Variants in THSD7B observed in about 807,000 individuals in gnomAD.
THSD7B encodes the protein thrombospondin type-1 domain-containing protein 7B.
THSD7B carries 138 observed loss-of-function variants against 213.6 expected under a neutral mutation model. The observed-to-expected ratio is 0.65, with a 90% CI of 0.56 to 0.74. The LOEUF (loss-of-function observed/expected upper bound fraction) is 0.74, where lower values mean the gene tolerates loss of function less well. Ranked by LOEUF, THSD7B falls within the 30% of genes least tolerant of loss-of-function variation. The pLI is 0.00. For synonymous variants in THSD7B, 742 were observed against 687.0 expected (o/e 1.08, Z -1.25); for missense variants, 1,931 against 1,991.5 (o/e 0.97, Z 0.58).
chr2:136,982,319 CT>C (rs36080141), intron 2 of THSD7B, among the ~76,000 whole-genome samples: 1 of 149,768 alleles, frequency 6.7e-6, no homozygotes, highest in African/African-American at 2.4e-5. Flanking sequence ...GCAAATTGTA[CT>C]TTTTTTTTTT....
chr2:137,417,946 C>T (rs1219018531), intron 14 of THSD7B, among the ~76,000 whole-genome samples: 1 of 152,056 alleles, frequency 6.6e-6, no homozygotes, highest in African/African-American at 2.4e-5. Flanking sequence ...TCCTTTACAC[C>T]TTTATGTTTA....
chr2:137,242,662 C>A (rs1681939180), intron 10 of THSD7B, 90 bp downstream of exon 10: 1 of 867,672 alleles, frequency 1.2e-6, no homozygotes, highest in Non-Finnish European at 1.8e-6. Flanking sequence ...AATGTGAGCA[C>A]CTTTTTTTTT....
At chr2:136,901,546 G>A (rs917262262) in intron 2 of THSD7B, among the ~76,000 whole-genome samples, 11 of 152,204 alleles carry the variant, frequency 7.2e-5, no homozygotes, top group Admixed American at 6.5e-5. Flanking sequence ...TGGGAAATTT[G>A]AGAAGAATTT....
At chr2:137,381,947 C>T (rs374640058) in intron 12 of THSD7B, among the ~76,000 whole-genome samples, 80 of 152,164 alleles carry the variant, frequency 5.3e-4, no homozygotes, top group African/African-American at 1.8e-3. Flanking sequence ...GTGAAATGAG[C>T]GATCCACTGG....
At chr2:137,109,870 A>G (rs1020217302) in intron 4 of THSD7B, among the ~76,000 whole-genome samples, 7 of 152,128 alleles carry the variant, frequency 4.6e-5, no homozygotes, top group African/African-American at 1.7e-4. Flanking sequence ...GAGGTTCCAC[A>G]TAACGTGGCT....
Position 137,089,245 on chromosome 2 carries a change from GGTGTGT to G in THSD7B, c.951-5603_951-5598del, listed in dbSNP as rs70975799. Among the ~76,000 whole-genome samples the G allele has an allele frequency of 2.5e-3, 315 of 126,768 alleles. 2 individuals are homozygous for G. Among genetic ancestry groups the G allele is most frequent in the African/African-American group, 7.5e-3 (225 of 30,042 alleles). 83.2% of individuals were successfully genotyped at this position (126,768 alleles called of 152,430 possible). On this transcript the variant is annotated intron_variant, in intron 3 of 27. Coordinates refer to ENST00000409968, the MANE Select transcript of THSD7B (RefSeq NM_001316349.2). Reference sequence around the variant, plus strand: ...CCATCAATGAGTGGATAAAGAAAGTGGTGTGTGTGTGTGTGTGTGTGTGTGTGTGTA... The same window carrying G: ...CCATCAATGAGTGGATAAAGAAAGTGGTGTGTGTGTGTGTGTGTGTGTGTA...
rs181856273 is a variant in THSD7B, at chr2:136,912,095, C to T, written c.139+29778C>T. 2.5e-3 allele frequency among the ~76,000 whole-genome samples: 373 copies of T among 151,914 alleles called. 3 individuals are homozygous for T. The highest frequency in any genetic ancestry group is 7.4e-3 in the Admixed American group (113 of 15,250). On this transcript the variant is annotated intron_variant, in intron 2 of 27. Coordinates refer to ENST00000409968, the MANE Select transcript of THSD7B (RefSeq NM_001316349.2). ...TGGGAGGCCAAGGTGGGCAGATCACCTAAGGTCAAGAGTTCTAGACCAGCC... is the reference window on the plus strand; with the variant it reads ...TGGGAGGCCAAGGTGGGCAGATCACTTAAGGTCAAGAGTTCTAGACCAGCC...
intron 12 of THSD7B, among the ~76,000 whole-genome samples, chr2:137,401,473 A>G (rs1686359301): frequency 1.3e-5 from 2 of 152,174 alleles, no homozygotes; most frequent in South Asian, 4.1e-4. Context: ...AACGTTCCCA[A>G]CAAGGAAATG....
At chr2:137,461,875 G>A (rs1238783104) in intron 15 of THSD7B, among the ~76,000 whole-genome samples, 1 of 152,072 alleles carries the variant, frequency 6.6e-6, no homozygotes, top group Admixed American at 6.6e-5. Context: ...GTCTCATAAA[G>A]AGTATGAAAG....
chr2:137,062,166 C>CTATGGGATTAT (rs1278738737), intron 3 of THSD7B, among the ~76,000 whole-genome samples: 2 of 151,642 alleles, frequency 1.3e-5, no homozygotes, highest in African/African-American at 4.8e-5. Context: ...CTTTTAATAG[C>CTATGGGATTAT]TATGGGATTA....
rs568339870 is a variant in THSD7B, at chr2:137,515,233, C to CT, written c.3139-47981dup. ...CTCTGAGTTTGTAAACTCTGGTTAA[C>CT]TTTTTTTGCCAGAAGAAACAGCTTC... On this transcript the variant is annotated intron_variant, in intron 15 of 27. Coordinates refer to ENST00000409968, the MANE Select transcript of THSD7B (RefSeq NM_001316349.2). Among the ~76,000 whole-genome samples the CT allele has an allele frequency of 2.2e-3, 342 of 152,220 alleles. 1 individual carries two copies. Among genetic ancestry groups the CT allele is most frequent in the African/African-American group, 7.8e-3 (324 of 41,536 alleles).
In THSD7B at chr2:137,192,736, TAACA is replaced by T. The variant is rs1468688127; in HGVS notation, c.1723+21801_1723+21804del. Among the ~76,000 whole-genome samples the T allele has an allele frequency of 4.6e-5, 7 of 152,194 alleles. 1 individual carries two copies. The South Asian group carries it at 1.4e-3, about 31-fold the overall frequency. ...CTGAAATCTGGATGTATTTTGAATT[TAACA>T]AATCTTGATAATAAATTAAATATAT... On this transcript the variant is annotated intron_variant, in intron 7 of 27. Coordinates refer to ENST00000409968, the MANE Select transcript of THSD7B (RefSeq NM_001316349.2).
intron 1 of THSD7B, among the ~76,000 whole-genome samples, chr2:136,806,396 G>T (rs1034350070): frequency 1.3e-5 from 2 of 152,148 alleles, no homozygotes; most frequent in Non-Finnish European, 2.9e-5. Context: ...AGCTCCTCAG[G>T]CTGTTCTGAG....
intron 15 of THSD7B, among the ~76,000 whole-genome samples, chr2:137,459,333 G>A (rs953675379): frequency 5.9e-5 from 9 of 152,176 alleles, no homozygotes; most frequent in Middle Eastern, 3.4e-3. Context: ...AAAAACATTT[G>A]TTAAAACATG....
chr2:137,561,922 GTGTTTTA>G, intron 15 of THSD7B, among the ~76,000 whole-genome samples: 1 of 151,974 alleles, frequency 6.6e-6, no homozygotes, highest in Admixed American at 6.6e-5. Context: ...TTGTTACTTT[GTGTTTTA>G]TCTTCTTGTG....
intron 10 of THSD7B, among the ~76,000 whole-genome samples, chr2:137,243,405 A>G (rs1025271538): frequency 2.0e-5 from 3 of 152,242 alleles, no homozygotes; most frequent in South Asian, 2.1e-4. Context: ...AAAGACAGAA[A>G]GAATATTACC....
At chr2:137,458,191 A>C (rs915473115) in intron 15 of THSD7B, among the ~76,000 whole-genome samples, 1 of 152,214 alleles carries the variant, frequency 6.6e-6, no homozygotes, top group African/African-American at 2.4e-5. Context: ...TCTCTGGTGA[A>C]GGTTTCCCAG....
intron 12 of THSD7B, among the ~76,000 whole-genome samples, chr2:137,332,376 C>T (rs1393613524): frequency 6.6e-6 from 1 of 152,160 alleles, no homozygotes; most frequent in East Asian, 1.9e-4. Context: ...GCCAATTTCT[C>T]CCATTCAGAA....
intron 12 of THSD7B, among the ~76,000 whole-genome samples, chr2:137,309,714 A>T (rs1473707906): frequency 2.6e-5 from 4 of 151,130 alleles, no homozygotes; most frequent in East Asian, 1.9e-4. Context: ...GTCCATGTGT[A>T]CTCATTGTTC....
Sources: gnomAD v4.1 joint callset for allele counts (sites outside exome capture counted in the v4.1 genomes callset) on GRCh38, gnomAD v4.1.1 for gene constraint, MANE v1.5 for transcripts, NCBI Gene and HGNC (gene_info 2026-07-23, HGNC 2026-07-21) for gene names.